SLC10A7: variants seen among roughly 807,000 people sequenced by gnomAD.
The protein encoded by SLC10A7 is sodium/bile acid cotransporter 7.
In SLC10A7, 29 loss-of-function variants were observed where a neutral mutation model predicts 43.2. The observed-to-expected ratio is 0.67, with a 90% CI of 0.50 to 0.92. The LOEUF (loss-of-function observed/expected upper bound fraction) is 0.92, where lower values mean the gene tolerates loss of function less well. Ranked by LOEUF, SLC10A7 falls within the 40% of genes least tolerant of loss-of-function variation. The probability of loss-of-function intolerance (pLI) is 0.00; values close to 1 mark genes in which losing one functional copy is unlikely to be tolerated. For missense variants in SLC10A7, 295 were observed against 403.2 expected, an observed-to-expected ratio of 0.73 and a Z score of 2.30; for synonymous variants, 152 against 144.8, an observed-to-expected ratio of 1.05 and a Z score of -0.35.
At chr4:146,415,929 C>T (rs1560887168) in intron 5 of SLC10A7, among the ~76,000 whole-genome samples, 1 of 152,172 alleles carries the variant, frequency 6.6e-6, no homozygotes, top group Non-Finnish European at 1.5e-5. Context: ...GTGAGGAAAG[C>T]TCCCTAGCCT....
At chr4:146,291,739 G>A (rs1730456412) in intron 9 of SLC10A7, among the ~76,000 whole-genome samples, 1 of 151,168 alleles carries the variant, frequency 6.6e-6, no homozygotes, top group African/African-American at 2.4e-5. Flanking sequence ...ATTCTGTATG[G>A]CTCAGGTCAA....
intron 4 of SLC10A7, among the ~76,000 whole-genome samples, chr4:146,471,142 C>T (rs1733532881): frequency 1.3e-5 from 2 of 152,162 alleles, no homozygotes; most frequent in Admixed American, 1.3e-4. Flanking sequence ...GGTTGAGCAT[C>T]TCTAATCCGA....
At chr4:146,268,064 AGCCAAAC>A (rs1442765762) in intron 10 of SLC10A7, among the ~76,000 whole-genome samples, 2 of 152,190 alleles carry the variant, frequency 1.3e-5, no homozygotes, top group Non-Finnish European at 2.9e-5. Context: ...AGGACGTGTC[AGCCAAAC>A]GTGCTGCACA....
At chr4:146,362,592 C>T (rs1736122814) in intron 5 of SLC10A7, among the ~76,000 whole-genome samples, 1 of 151,848 alleles carries the variant, frequency 6.6e-6, no homozygotes, top group Non-Finnish European at 1.5e-5. Context: ...CTCATATCTT[C>T]AGTAGAATGA....
intron 10 of SLC10A7, among the ~76,000 whole-genome samples, chr4:146,268,101 CT>C (rs1469708383): frequency 6.6e-6 from 1 of 152,164 alleles, no homozygotes; most frequent in Non-Finnish European, 1.5e-5. Context: ...TAAACCTTCC[CT>C]TTGCTACCGA....
intron 4 of SLC10A7, among the ~76,000 whole-genome samples, chr4:146,500,287 C>G (rs13134417): frequency 6.6e-6 from 1 of 151,932 alleles, no homozygotes. Context: ...AGCTGTCCTG[C>G]CTTACCCTCA....
intron 5 of SLC10A7, among the ~76,000 whole-genome samples, chr4:146,378,082 G>C (rs59730513): frequency 1.2e-3 from 177 of 152,286 alleles, no homozygotes; most frequent in African/African-American, 4.0e-3. Context: ...AAAGGAAAGA[G>C]TATGCGTTTT....
chr4:146,269,984 C>CTT (rs1302738865), intron 10 of SLC10A7, among the ~76,000 whole-genome samples: 5 of 152,040 alleles, frequency 3.3e-5, no homozygotes, highest in Non-Finnish European at 7.4e-5. Flanking sequence ...GGTAATTTTC[C>CTT]TTTTCATGGT....
At chr4:146,285,947 G>C (rs1417789877) in intron 9 of SLC10A7, among the ~76,000 whole-genome samples, 5 of 150,226 alleles carry the variant, frequency 3.3e-5, no homozygotes, top group African/African-American at 1.2e-4. Context: ...ACTGTGTTTT[G>C]AGTGGTGAGA....
intron 6 of SLC10A7, among the ~76,000 whole-genome samples, chr4:146,315,735 A>C (rs1038513060): frequency 2.0e-5 from 3 of 152,246 alleles, no homozygotes. Context: ...TCAATGTCAG[A>C]TTAATCTTTG....
chr4:146,504,518 C>CA lies in SLC10A7; in HGVS notation c.321-595dup, dbSNP rs5862761. 2.3e-3 allele frequency among the ~76,000 whole-genome samples: 207 copies of CA among 88,404 alleles called. 1 individual carries two copies. Among genetic ancestry groups the CA allele is most frequent in the East Asian group, 0.012 (35 of 2,880 alleles). The allele number at this position is 88,404 out of a possible 152,430, so 58.0% of individuals were successfully genotyped here. Reference sequence around the variant, plus strand: ...TGGGCGAAAGAGTGAGACTCCGTCTCAAAAAAAAAAAAAAAAAAAAGAAAG... The same window carrying CA: ...TGGGCGAAAGAGTGAGACTCCGTCTCAAAAAAAAAAAAAAAAAAAAAGAAAG... On this transcript the variant is annotated intron_variant, in intron 3 of 11. Transcript: ENST00000335472.
At chr4:146,378,739 C>T (rs752032018) in intron 5 of SLC10A7, among the ~76,000 whole-genome samples, 1 of 152,126 alleles carries the variant, frequency 6.6e-6, no homozygotes, top group African/African-American at 2.4e-5. Context: ...AAACTAAAGT[C>T]ATTTAACAAA....
chr4:146,484,286 C>T (rs894008308), intron 4 of SLC10A7, among the ~76,000 whole-genome samples: 14 of 152,260 alleles, frequency 9.2e-5, no homozygotes, highest in African/African-American at 3.4e-4. Flanking sequence ...CCCAGGATCT[C>T]AAGGCTGCAG....
intron 5 of SLC10A7, among the ~76,000 whole-genome samples, chr4:146,427,477 G>C (rs1274062081): frequency 6.6e-6 from 1 of 151,848 alleles, no homozygotes; most frequent in African/African-American, 2.4e-5. Context: ...CAGTTGTTTG[G>C]CTGGAAACTA....
Position 146,254,154 on chromosome 4 carries a change from T to A in SLC10A7, c.*2337A>T, listed in dbSNP as rs1047862116. On this transcript the variant is annotated 3_prime_UTR_variant, in exon 12 of 12. Coordinates refer to ENST00000335472, the MANE Select transcript of SLC10A7 (RefSeq NM_001029998.6). ...TTTTTAACAGAATAGGGAAAAATTT[T>A]AAAAAACCCACAAAAATTTTAATAC... The A allele has an allele frequency of 1.3e-5, 2 of 152,022 alleles. No homozygotes were observed. Among genetic ancestry groups the A allele is most frequent in the African/African-American group, 4.8e-5 (2 of 41,368 alleles). The allele number at this position is 152,022 out of a possible 1,614,324, so 9.4% of individuals were successfully genotyped here.
intron 1 of SLC10A7, among the ~76,000 whole-genome samples, chr4:146,520,035 A>T (rs1261422452): frequency 1.3e-5 from 2 of 152,172 alleles, no homozygotes; most frequent in African/African-American, 4.8e-5. Context: ...GCCCCACGGA[A>T]ATGATTCAGC....
At chr4:146,342,401 CT>C (rs1734327621) in intron 5 of SLC10A7, among the ~76,000 whole-genome samples, 1 of 151,380 alleles carries the variant, frequency 6.6e-6, no homozygotes, top group Non-Finnish European at 1.5e-5. Context: ...TAAAAAATTA[CT>C]TTTAATTTAT....
intron 5 of SLC10A7, among the ~76,000 whole-genome samples, chr4:146,439,048 T>C (rs1480881505): frequency 6.6e-6 from 1 of 152,076 alleles, no homozygotes; most frequent in Admixed American, 6.6e-5. Flanking sequence ...TCCACAATTA[T>C]TATAAACTGA....
At chr4:146,261,209 G>A (rs1578728330) in intron 10 of SLC10A7, among the ~76,000 whole-genome samples, 1 of 152,212 alleles carries the variant, frequency 6.6e-6, no homozygotes, top group East Asian at 1.9e-4. Flanking sequence ...CCCAGAGGAA[G>A]GCTGGAGGAG....
Sources: gnomAD v4.1 joint callset for allele counts (sites outside exome capture counted in the v4.1 genomes callset) on GRCh38, gnomAD v4.1.1 for gene constraint, MANE v1.5 for transcripts, NCBI Gene and HGNC (gene_info 2026-07-23, HGNC 2026-07-21) for gene names.